Variants in GULP1 observed in about 807,000 individuals in gnomAD.
GULP1 encodes GULP PTB domain containing engulfment adaptor 1.
In GULP1, 19 loss-of-function variants were observed where a neutral mutation model predicts 40.9. That is an observed-to-expected ratio of 0.46 (90% confidence interval 0.32 to 0.68). The LOEUF is 0.68. Among genes scored for constraint, GULP1 ranks in the 30% least tolerant of loss-of-function variants. The probability of loss-of-function intolerance (pLI) is 0.03; values close to 1 mark genes in which losing one functional copy is unlikely to be tolerated. For missense variants in GULP1, 312 were observed against 362.2 expected, an observed-to-expected ratio of 0.86 and a Z score of 1.12; for synonymous variants, 119 against 117.6, an observed-to-expected ratio of 1.01 and a Z score of -0.08.
intron 2 of GULP1, among the ~76,000 whole-genome samples, chr2:188,473,192 A>G (rs1490735412): frequency 2.0e-5 from 3 of 152,040 alleles, no homozygotes; most frequent in African/African-American, 7.2e-5. Flanking sequence ...CTGAACCACC[A>G]GAAGTAGGGT....
intron 4 of GULP1, among the ~76,000 whole-genome samples, chr2:188,499,828 A>C (rs2063261459): frequency 6.6e-6 from 1 of 151,900 alleles, no homozygotes; most frequent in South Asian, 2.1e-4. Context: ...ATTATGATAC[A>C]ACTCTTTTTT....
intron 1 of GULP1, among the ~76,000 whole-genome samples, chr2:188,380,678 T>G (rs561509993): frequency 6.6e-6 from 1 of 152,324 alleles, no homozygotes; most frequent in Admixed American, 6.5e-5. Flanking sequence ...TTAGATTAAA[T>G]ACTGTTAAAT....
At chr2:188,503,957 G>A (rs1041485922) in intron 4 of GULP1, among the ~76,000 whole-genome samples, 8 of 151,850 alleles carry the variant, frequency 5.3e-5, no homozygotes, top group Non-Finnish European at 1.0e-4. Context: ...TTTAGGTTAA[G>A]ATATACTTAG....
At chr2:188,486,491 GAATTATT>G (rs2061872729) in intron 4 of GULP1, among the ~76,000 whole-genome samples, 2 of 152,022 alleles carry the variant, frequency 1.3e-5, no homozygotes, top group South Asian at 4.2e-4. Flanking sequence ...AACTACTTAA[GAATTATT>G]ATTCTCCCTG....
intron 1 of GULP1, among the ~76,000 whole-genome samples, chr2:188,306,483 G>T (rs2037117880): frequency 6.6e-6 from 1 of 152,068 alleles, no homozygotes; most frequent in Admixed American, 6.6e-5. Flanking sequence ...CGTTCTCTTG[G>T]CAGGGGATTT....
At chr2:188,535,334 C>T (rs1688652750) in intron 6 of GULP1, among the ~76,000 whole-genome samples, 1 of 152,024 alleles carries the variant, frequency 6.6e-6, no homozygotes, top group Non-Finnish European at 1.5e-5. Context: ...CAATCCTTAA[C>T]ACCCCCTTTT....
At chr2:188,556,858 C>A (rs530993985) in intron 7 of GULP1, among the ~76,000 whole-genome samples, 2 of 152,034 alleles carry the variant, frequency 1.3e-5, no homozygotes, top group South Asian at 2.1e-4. Context: ...CCCGTCTCTA[C>A]TAAAAAAGAC....
At chr2:188,548,116 A>G (rs958149246) in intron 7 of GULP1, among the ~76,000 whole-genome samples, 1 of 152,118 alleles carries the variant, frequency 6.6e-6, no homozygotes, top group East Asian at 1.9e-4. Context: ...CAGCCATAGA[A>G]GCTCTAGCCA....
At chr2:188,503,185 C>T (rs1271942176) in intron 4 of GULP1, among the ~76,000 whole-genome samples, 2 of 151,868 alleles carry the variant, frequency 1.3e-5, no homozygotes, top group Non-Finnish European at 2.9e-5. Context: ...CTTGAACTTT[C>T]TTAAAACATT....
intron 1 of GULP1, among the ~76,000 whole-genome samples, chr2:188,329,510 T>C (rs1019003339): frequency 6.6e-6 from 1 of 151,946 alleles, no homozygotes; most frequent in Non-Finnish European, 1.5e-5. Context: ...GGATTGACAA[T>C]GAAGTGGACT....
intron 2 of GULP1, among the ~76,000 whole-genome samples, chr2:188,465,950 T>G (rs907536281): frequency 2.0e-5 from 3 of 151,304 alleles, no homozygotes; most frequent in Non-Finnish European, 4.4e-5. Context: ...TTGGCTCTTA[T>G]GAAGGTGTGT....
At chr2:188,580,327 G>A (rs897126661) in intron 9 of GULP1, among the ~76,000 whole-genome samples, 10 of 152,250 alleles carry the variant, frequency 6.6e-5, no homozygotes, top group South Asian at 2.1e-4. Context: ...GCCGAGGCGG[G>A]CGGATCACGA....
intron 2 of GULP1, among the ~76,000 whole-genome samples, chr2:188,450,296 A>G (rs2058731368): frequency 6.6e-6 from 1 of 152,188 alleles, no homozygotes; most frequent in Non-Finnish European, 1.5e-5. Flanking sequence ...TATTTTTATC[A>G]TAATATTTAT....
chr2:188,564,759 T>A (rs1374463693), intron 7 of GULP1, among the ~76,000 whole-genome samples: 2 of 151,902 alleles, frequency 1.3e-5, no homozygotes, highest in African/African-American at 4.8e-5. Context: ...CAAAAACAAA[T>A]TAATTTTGAG....
In GULP1 at chr2:188,364,869, C is replaced by CAT. The variant is rs889311119; in HGVS notation, c.-171-18890_-171-18889dup. On this transcript the variant is annotated intron_variant, in intron 1 of 11. Transcript: ENST00000409830. Reference sequence around the variant, plus strand: ...ATGTATCCACAAACACACACACACACATATACACACACACACACACGTATA... The same window carrying CAT: ...ATGTATCCACAAACACACACACACACATATATACACACACACACACACGTATA... Among the ~76,000 whole-genome samples, 27 of 149,288 alleles carry CAT rather than the reference C, an allele frequency of 1.8e-4. No individual in the cohort carries two copies. The East Asian group carries it at 2.7e-3, about 15-fold the overall frequency.
chr2:188,395,241 C>T (rs2051078241), intron 2 of GULP1, among the ~76,000 whole-genome samples: 1 of 152,192 alleles, frequency 6.6e-6, no homozygotes, highest in Admixed American at 6.5e-5. Flanking sequence ...ACTACTGACT[C>T]AGTATTTTGG....
intron 2 of GULP1, among the ~76,000 whole-genome samples, chr2:188,436,185 G>A (rs757748057): frequency 1.3e-5 from 2 of 151,942 alleles, no homozygotes; most frequent in Non-Finnish European, 2.9e-5. Context: ...AACCATCACA[G>A]CTTGCCACCT....
chr2:188,340,359 A>G (rs537518067), intron 1 of GULP1, among the ~76,000 whole-genome samples: 1 of 152,280 alleles, frequency 6.6e-6, no homozygotes, highest in East Asian at 1.9e-4. Context: ...TGACCCCTTC[A>G]CAGGCCTTGC....
At chr2:188,414,232 A>AAAG (rs1559213639) in intron 2 of GULP1, among the ~76,000 whole-genome samples, 2 of 148,090 alleles carry the variant, frequency 1.4e-5, no homozygotes, top group Non-Finnish European at 3.0e-5. Flanking sequence ...AAAAAAAAAA[A>AAAG]AAAAGAAAAA....
Sources: gnomAD v4.1 joint callset for allele counts (sites outside exome capture counted in the v4.1 genomes callset) on GRCh38, gnomAD v4.1.1 for gene constraint, MANE v1.5 for transcripts, NCBI Gene and HGNC (gene_info 2026-07-23, HGNC 2026-07-21) for gene names.